Variants in FRMD7 observed in about 807,000 individuals in gnomAD.
The protein encoded by FRMD7 is FERM domain-containing protein 7.
In FRMD7, 14 loss-of-function variants were observed where a neutral mutation model predicts 44.1. The observed-to-expected ratio is 0.32, with a 90% CI of 0.21 to 0.50. The LOEUF is 0.50. Ranked by LOEUF, FRMD7 falls within the 20% of genes least tolerant of loss-of-function variation. The pLI is 0.99. For missense variants in FRMD7, 501 were observed against 522.3 expected, an observed-to-expected ratio of 0.96 and a Z score of 0.40; for synonymous variants, 212 against 187.4, an observed-to-expected ratio of 1.13 and a Z score of -1.07.
chrX:132,118,566 CA>C (rs1412596235), intron 1 of FRMD7, among the ~76,000 whole-genome samples: 6 of 111,702 alleles, frequency 5.4e-5, no homozygotes, highest in Non-Finnish European at 1.1e-4. Flanking sequence ...TCCCAGTGCG[CA>C]TGTGGGCATG....
At chrX:132,093,376 A>G (rs1216280832) in intron 5 of FRMD7, among the ~76,000 whole-genome samples, 1 of 112,064 alleles carries the variant, frequency 8.9e-6, no homozygotes, top group Non-Finnish European at 1.9e-5. Flanking sequence ...TTTAGAAGAG[A>G]TACTATCTCC....
chrX:132,114,511 A>T (rs138349725), intron 1 of FRMD7, among the ~76,000 whole-genome samples: 206 of 112,138 alleles, frequency 1.8e-3, no homozygotes, highest in African/African-American at 6.2e-3. Flanking sequence ...TTGTTTACCG[A>T]ATTTTCTCAT....
At chrX:132,121,210 G>C (rs1929026317) in intron 1 of FRMD7, among the ~76,000 whole-genome samples, 1 of 111,693 alleles carries the variant, frequency 9.0e-6, no homozygotes, top group Non-Finnish European at 1.9e-5. Context: ...AATCACGCTT[G>C]AGTCAGAAGC....
At chrX:132,095,189 G>A (rs927968037) in intron 4 of FRMD7, among the ~76,000 whole-genome samples, 2 of 108,513 alleles carry the variant, frequency 1.8e-5, no homozygotes, top group Admixed American at 1.0e-4. Flanking sequence ...CTGCCTCTGG[G>A]GTTCAAGCGA....
At chrX:132,122,920 T>C (rs903800321) in intron 1 of FRMD7, among the ~76,000 whole-genome samples, 3 of 112,046 alleles carry the variant, frequency 2.7e-5, no homozygotes, top group Non-Finnish European at 5.6e-5. Flanking sequence ...ACATATAGAA[T>C]ACATTGCCTG....
intron 1 of FRMD7, among the ~76,000 whole-genome samples, chrX:132,117,708 T>C (rs1602836833): frequency 8.9e-6 from 1 of 112,025 alleles, no homozygotes; most frequent in African/African-American, 3.2e-5. Context: ...ATAACACCTT[T>C]TGGTGACCAA....
rs1927703015 is a variant in FRMD7 at position 132,078,633 on chromosome X, C to G, written c.1384G>C (p.Gly462Arg). The G allele has an allele frequency of 8.3e-7, 1 of 1,209,490 alleles. No individual in the cohort carries two copies. ...FSGNHMSIYS[G>R]LTSKVRPAKQ... Reference sequence around the variant, plus strand: ...GCTGGACGCACTTTGCTTGTGAGGCCAGAATATATGCTCATGTGATTACCA... The same window carrying G: ...GCTGGACGCACTTTGCTTGTGAGGCGAGAATATATGCTCATGTGATTACCA... Residue 462 changes from glycine to arginine, a missense_variant, in exon 12 of 12, where the codon GGC (glycine) becomes CGC (arginine). By Grantham distance (125) the Gly-to-Arg change is moderately radical. Coordinates refer to ENST00000298542, the MANE Select transcript of FRMD7 (RefSeq NM_194277.3).
At chrX:132,088,754 A>C (rs1423889703) in intron 5 of FRMD7, among the ~76,000 whole-genome samples, 1 of 111,706 alleles carries the variant, frequency 9.0e-6, no homozygotes, top group Non-Finnish European at 1.9e-5. Context: ...AGCATCAAAA[A>C]AGAATAAAAT....
intron 2 of FRMD7, 24 bp from the exon 3 acceptor site, chrX:132,099,534 T>A: frequency 8.6e-7 from 1 of 1,165,703 alleles, no homozygotes; most frequent in Non-Finnish European, 1.2e-6. Context: ...AAGGAAAAAA[T>A]TGGTAGAGCA....
At chrX:132,112,335 C>T (rs1158547394) in intron 1 of FRMD7, among the ~76,000 whole-genome samples, 3 of 111,380 alleles carry the variant, frequency 2.7e-5, no homozygotes, top group Non-Finnish European at 5.7e-5. Flanking sequence ...GGCAGTCTAA[C>T]CTTTTAGCAT....
At position 132,093,459 on chromosome X, in the gene FRMD7, C is replaced by T. The variant is rs773859447; in HGVS notation, c.382+583G>A. 9.8e-5 allele frequency among the ~76,000 whole-genome samples: 11 copies of T among 112,528 alleles called. No individual in the cohort carries two copies. In the East Asian group the frequency reaches 1.4e-3, roughly 14 times the overall value. On this transcript the variant is annotated intron_variant, in intron 5 of 11. Transcript: ENST00000298542. ...CAGGCATCACCCCCTCCCTGGAAGG[C>T]CCCTGCTGTTCCCCAGACCACCTTC... is the stretch of plus-strand genomic sequence containing the variant.
rs750354907 is a variant in FRMD7 at position 132,084,149 on chromosome X, G to T, written c.741+341C>A. On this transcript the variant is annotated intron_variant, in intron 8 of 11. Transcript: ENST00000298542. The stretch of plus-strand genomic sequence containing the variant: ...TGAAGATACTTTATAAAATGGAACA[G>T]ATAACATCATATGAATGTATTCTTA... 2.7e-5 allele frequency among the ~76,000 whole-genome samples: 3 copies of T among 111,838 alleles called. No homozygotes were observed. The East Asian group carries it at 8.4e-4, about 31-fold the overall frequency.
At chrX:132,119,482 A>G (rs953533084) in intron 1 of FRMD7, among the ~76,000 whole-genome samples, 1 of 111,573 alleles carries the variant, frequency 9.0e-6, no homozygotes, top group Non-Finnish European at 1.9e-5. Flanking sequence ...CTCTTGTTTA[A>G]GACAACTAAG....
intron 1 of FRMD7, among the ~76,000 whole-genome samples, chrX:132,123,445 A>G (rs1929083988): frequency 8.9e-6 from 1 of 111,856 alleles, no homozygotes; most frequent in Admixed American, 9.5e-5. Context: ...TATTACACCA[A>G]AGCAATTTCA....
At chrX:132,080,153 A>G (rs1229180649) in intron 10 of FRMD7, 45 bp downstream of exon 10, 1 of 1,139,010 alleles carries the variant, frequency 8.8e-7, no homozygotes, top group South Asian at 1.8e-5. Flanking sequence ...AAATCTCCAA[A>G]TTCAACATAA....
At chrX:132,083,281 A>C (rs1199412507) in intron 8 of FRMD7, among the ~76,000 whole-genome samples, 1 of 112,137 alleles carries the variant, frequency 8.9e-6, no homozygotes, top group Admixed American at 9.5e-5. Context: ...TGTAACAGTT[A>C]GAAACACTTT....
intron 8 of FRMD7, among the ~76,000 whole-genome samples, chrX:132,083,316 A>G (rs950207598): frequency 1.8e-5 from 2 of 111,765 alleles, no homozygotes; most frequent in African/African-American, 6.5e-5. Context: ...GTCTTGTACA[A>G]TGCTCTATAT....
intron 5 of FRMD7, 40 bp downstream of exon 5, chrX:132,094,001 TG>T: frequency 3.6e-6 from 3 of 827,773 alleles, no homozygotes; most frequent in Non-Finnish European, 5.5e-6. Flanking sequence ...GTTCTCTACC[TG>T]GCTGATAGGT....
intron 4 of FRMD7, among the ~76,000 whole-genome samples, chrX:132,096,551 A>C (rs1363612143): frequency 1.1e-5 from 1 of 88,216 alleles, no homozygotes; most frequent in Non-Finnish European, 2.2e-5. Context: ...CCCCATCTCT[A>C]AAAAAAAAAA....
Sources: allele counts gnomAD v4.1 joint callset (sites outside exome capture counted in the v4.1 genomes callset), GRCh38; gene constraint gnomAD v4.1.1; transcripts MANE v1.5; gene names NCBI Gene and HGNC (gene_info 2026-07-23, HGNC 2026-07-21).